The following PRKG1 variants were observed in gnomAD, a reference collection of about 807,000 sequenced individuals.
PRKG1 encodes cGMP-dependent protein kinase 1.
A neutral mutation model predicts 88.1 loss-of-function variants in PRKG1; 35 were observed. The ratio of observed to expected loss-of-function variants is 0.40; its 90% CI spans 0.30 to 0.53. PRKG1 has a LOEUF of 0.53. PRKG1 is among the 20% of genes least tolerant of loss of function. The pLI is 0.59. For synonymous variants in PRKG1, 303 were observed against 292.5 expected (o/e 1.04, Z -0.37); for missense variants, 540 against 839.8 (o/e 0.64, Z 4.41).
intron 3 of PRKG1, among the ~76,000 whole-genome samples, chr10:51,588,551 A>G (rs1838229281): frequency 6.6e-6 from 1 of 152,192 alleles, no homozygotes; most frequent in South Asian, 2.1e-4. Context: ...ATCTAAATGG[A>G]CTTTGCGATT....
intron 3 of PRKG1, among the ~76,000 whole-genome samples, chr10:51,716,368 TC>T (rs1841886937): frequency 6.6e-6 from 1 of 152,216 alleles, no homozygotes; most frequent in Non-Finnish European, 1.5e-5. Context: ...TCTCTGCCAT[TC>T]TAAAATCCAT....
At chr10:51,972,842 GT>G (rs796155559) in intron 5 of PRKG1, among the ~76,000 whole-genome samples, 17 of 148,100 alleles carry the variant, frequency 1.1e-4, no homozygotes, top group Middle Eastern at 3.4e-3. Flanking sequence ...TTGATATAGG[GT>G]TTTTTTTTTA....
intron 3 of PRKG1, among the ~76,000 whole-genome samples, chr10:51,586,385 T>C (rs1838174007): frequency 6.6e-6 from 1 of 152,128 alleles, no homozygotes; most frequent in South Asian, 2.1e-4. Flanking sequence ...AGTAGTTAGA[T>C]GGTGGAATGA....
At chr10:51,588,516 G>A (rs1396012150) in intron 3 of PRKG1, among the ~76,000 whole-genome samples, 2 of 152,066 alleles carry the variant, frequency 1.3e-5, no homozygotes, top group African/African-American at 4.8e-5. Context: ...GTTTCACTCA[G>A]GACGTTTATA....
intron 1 of PRKG1, among the ~76,000 whole-genome samples, chr10:50,998,048 G>A (rs1220351032): frequency 6.6e-6 from 1 of 152,158 alleles, no homozygotes; most frequent in Non-Finnish European, 1.5e-5. Context: ...GTAGATCACA[G>A]CATCTTATAG....
chr10:52,215,375 C>T (rs923450307), intron 9 of PRKG1, among the ~76,000 whole-genome samples: 2 of 125,396 alleles, frequency 1.6e-5, no homozygotes, highest in Admixed American at 8.9e-5. Flanking sequence ...GCCTGGGCGA[C>T]AAGAGCAAAA....
chr10:51,806,480 G>T (rs919955132), intron 4 of PRKG1, among the ~76,000 whole-genome samples: 1 of 152,178 alleles, frequency 6.6e-6, no homozygotes, highest in Admixed American at 6.5e-5. Context: ...TTGTTGGTCA[G>T]AATAGAGCTG....
intron 2 of PRKG1, among the ~76,000 whole-genome samples, chr10:51,405,001 G>T (rs368140509): frequency 6.6e-6 from 1 of 152,166 alleles, no homozygotes; most frequent in Admixed American, 6.5e-5. Flanking sequence ...TGCAGTATGA[G>T]TAAACATTTT....
At chr10:52,206,168 G>A (rs1236811191) in intron 9 of PRKG1, among the ~76,000 whole-genome samples, 5 of 152,062 alleles carry the variant, frequency 3.3e-5, no homozygotes, top group African/African-American at 4.8e-5. Context: ...CCAGCTCTGA[G>A]ATATTTTTTT....
chr10:51,484,861 CTGT>C (rs930469622), intron 3 of PRKG1, among the ~76,000 whole-genome samples: 13 of 152,130 alleles, frequency 8.5e-5, no homozygotes, highest in East Asian at 1.9e-4. Context: ...TGTGTTGCTG[CTGT>C]TGTTGTTCTG....
chr10:51,627,879 C>CCCGTCCCTTCCTTCCCTTCCTTCCCTT (rs1839378661), intron 3 of PRKG1, among the ~76,000 whole-genome samples: 1 of 72,004 alleles, frequency 1.4e-5, no homozygotes, highest in African/African-American at 3.7e-5. Context: ...TCCTTCCCTT[C>CCCGTCCCTTCCTTCCCTTCCTTCCCTT]CCTTCCCTTC....
At chr10:51,269,888 T>A (rs189924743) in intron 2 of PRKG1, among the ~76,000 whole-genome samples, 63 of 152,320 alleles carry the variant, frequency 4.1e-4, no homozygotes, top group Admixed American at 8.5e-4. Context: ...AAATGCTATC[T>A]TTAAAAAGAT....
At chr10:51,343,429 T>G (rs547091920) in intron 2 of PRKG1, among the ~76,000 whole-genome samples, 2 of 152,180 alleles carry the variant, frequency 1.3e-5, no homozygotes, top group Non-Finnish European at 2.9e-5. Context: ...TTCTGCAGTT[T>G]TGACTGCCCA....
At chr10:52,093,890 A>G (rs867046943) in intron 7 of PRKG1, among the ~76,000 whole-genome samples, 1 of 152,164 alleles carries the variant, frequency 6.6e-6, no homozygotes, top group Non-Finnish European at 1.5e-5. Context: ...ATAAATTCCC[A>G]TATACAGAAA....
intron 3 of PRKG1, among the ~76,000 whole-genome samples, chr10:51,486,156 T>C (rs1840533287): frequency 6.6e-6 from 1 of 152,166 alleles, no homozygotes; most frequent in Admixed American, 6.6e-5. Context: ...TTGCTAACTG[T>C]AGGCACTATA....
chr10:52,143,411 C>A (rs778372836), intron 8 of PRKG1, among the ~76,000 whole-genome samples: 2 of 152,168 alleles, frequency 1.3e-5, no homozygotes, highest in Non-Finnish European at 2.9e-5. Context: ...TCCCTCACCT[C>A]TCCAGTGTGA....
intron 9 of PRKG1, among the ~76,000 whole-genome samples, chr10:52,223,511 C>A (rs1304066163): frequency 6.6e-6 from 1 of 152,134 alleles, no homozygotes; most frequent in African/African-American, 2.4e-5. Flanking sequence ...CGGCATGCTT[C>A]ACAACTCAAT....
At chr10:51,855,964 A>G (rs1840669297) in intron 4 of PRKG1, among the ~76,000 whole-genome samples, 1 of 152,186 alleles carries the variant, frequency 6.6e-6, no homozygotes, top group Admixed American at 6.5e-5. Context: ...TAAAGGTTCC[A>G]GCTGGGATGG....
At position 52,271,333 on chromosome 10, in the gene PRKG1, TTC is replaced by T. The variant is rs1350422990; in HGVS notation, c.1174-11_1174-10del. On this transcript the variant is annotated splice_polypyrimidine_tract_variant and intron_variant, in intron 10 of 17. Coordinates refer to ENST00000373980, the MANE Select transcript of PRKG1 (RefSeq NM_006258.4). The stretch of plus-strand genomic sequence containing the variant: ...AGTCTATGGGCTTTTTCTTACTCTC[TTC>T]TCTCTTTCTTTAAGGTCCAGTTGAA... 3.7e-6 allele frequency: 6 copies of T among 1,609,846 alleles called. No homozygotes were observed. The highest frequency in any genetic ancestry group is 5.1e-6 in the Non-Finnish European group (6 of 1,177,054).
Sources: allele counts gnomAD v4.1 joint callset (sites outside exome capture counted in the v4.1 genomes callset), GRCh38; gene constraint gnomAD v4.1.1; transcripts MANE v1.5; gene names NCBI Gene and HGNC (gene_info 2026-07-23, HGNC 2026-07-21).